Variants in MYO5A observed in about 807,000 individuals in gnomAD.
MYO5A encodes the protein unconventional myosin-Va.
A neutral mutation model predicts 249.7 loss-of-function variants in MYO5A; 98 were observed. That is an observed-to-expected ratio of 0.39 (90% CI 0.33 to 0.46). The LOEUF is 0.46. MYO5A is among the 20% of genes least tolerant of loss of function. The probability of loss-of-function intolerance (pLI) is 0.98; values close to 1 mark genes in which losing one functional copy is unlikely to be tolerated. For missense variants in MYO5A, 1,696 were observed against 2,308.8 expected, an observed-to-expected ratio of 0.73 and a Z score of 5.44; for synonymous variants, 778 against 810.6, an observed-to-expected ratio of 0.96 and a Z score of 0.68.
chr15:52,471,443 AAAAAAG>A (rs1169680143), intron 1 of MYO5A, among the ~76,000 whole-genome samples: 3 of 151,866 alleles, frequency 2.0e-5, no homozygotes, highest in African/African-American at 7.3e-5. Flanking sequence ...GTCTCATTTG[AAAAAAG>A]AAAAAGAAAA....
chr15:52,527,295 A>G (rs1234706809), intron 1 of MYO5A, among the ~76,000 whole-genome samples: 2 of 152,212 alleles, frequency 1.3e-5, no homozygotes, highest in African/African-American at 4.8e-5. Flanking sequence ...AAAACGCTTA[A>G]AACAGTACCT....
chr15:52,330,980 C>T (rs1010506648), intron 34 of MYO5A, among the ~76,000 whole-genome samples: 3 of 152,172 alleles, frequency 2.0e-5, no homozygotes, highest in Non-Finnish European at 4.4e-5. Context: ...AGCAAAAGAA[C>T]ATTTACTTTA....
chr15:52,393,016 G>A (rs1215670983), intron 11 of MYO5A, among the ~76,000 whole-genome samples: 1 of 152,142 alleles, frequency 6.6e-6, no homozygotes, highest in Non-Finnish European at 1.5e-5. Context: ...TAGTCCGGGT[G>A]GGAAGGGCAA....
intron 9 of MYO5A, among the ~76,000 whole-genome samples, chr15:52,403,799 C>T (rs1180049418): frequency 6.6e-6 from 1 of 152,106 alleles, no homozygotes; most frequent in African/African-American, 2.4e-5. Flanking sequence ...ACAAAACCAC[C>T]ATTAGGAAAA....
intron 1 of MYO5A, among the ~76,000 whole-genome samples, chr15:52,484,211 T>C (rs2076772655): frequency 6.6e-6 from 1 of 152,238 alleles, no homozygotes; most frequent in Non-Finnish European, 1.5e-5. Context: ...AAGTTGAACG[T>C]ATTACAGGTA....
At chr15:52,517,535 A>G (rs536346923) in intron 1 of MYO5A, among the ~76,000 whole-genome samples, 1 of 152,112 alleles carries the variant, frequency 6.6e-6, no homozygotes, top group Non-Finnish European at 1.5e-5. Context: ...AAGTACAAAA[A>G]ATTAGCTAGG....
chr15:52,394,837 C>T (rs1158855577), intron 11 of MYO5A, among the ~76,000 whole-genome samples: 1 of 152,180 alleles, frequency 6.6e-6, no homozygotes, highest in African/African-American at 2.4e-5. Flanking sequence ...CCTTGAGAAA[C>T]AATAATGCTC....
chr15:52,415,565 G>GAAC (rs142751131), intron 5 of MYO5A, among the ~76,000 whole-genome samples: 1 of 151,826 alleles, frequency 6.6e-6, no homozygotes. Context: ...GTGCTTGACA[G>GAAC]AACAACAACA....
rs2038063885 is a variant in MYO5A, at chr15:52,317,179, G to T, written c.5278C>A (p.Leu1760Met). 6.2e-7 allele frequency: 1 copy of T among 1,614,070 alleles called. No homozygotes were observed. ...GTTTCTTTAGCCCCACTATTCATCA[G>T]ATTCTTGTCACGCAGCCATTCTTCC... is the stretch of plus-strand genomic sequence containing the variant. Reference protein sequence around the residue: ...QLEEWLRDKNLMNSGAKETLE... With the variant: ...QLEEWLRDKNMMNSGAKETLE... Residue 1760 changes from leucine (L) to methionine (M), a missense_variant, in exon 40 of 42, where the codon CTG (leucine) becomes ATG (methionine). By Grantham distance (15) the Leu-to-Met change is conservative. Transcript: ENST00000399233.
At chr15:52,418,029 G>A (rs2043595671) in intron 4 of MYO5A, among the ~76,000 whole-genome samples, 1 of 152,122 alleles carries the variant, frequency 6.6e-6, no homozygotes, top group Admixed American at 6.6e-5. Flanking sequence ...AGCTGAACAA[G>A]GTCTACAAAA....
intron 1 of MYO5A, among the ~76,000 whole-genome samples, chr15:52,480,044 T>G (rs2076683737): frequency 6.6e-6 from 1 of 152,198 alleles, no homozygotes; most frequent in Non-Finnish European, 1.5e-5. Context: ...CAATGCTGTC[T>G]CCTCTCTCCC....
intron 1 of MYO5A, among the ~76,000 whole-genome samples, chr15:52,493,042 GA>G (rs1318528402): frequency 6.8e-6 from 1 of 147,636 alleles, no homozygotes; most frequent in Non-Finnish European, 1.5e-5. Flanking sequence ...AGGCCTGAGG[GA>G]AGAAAGGCCT....
chr15:52,517,799 A>G (rs975273738), intron 1 of MYO5A, among the ~76,000 whole-genome samples: 1 of 151,058 alleles, frequency 6.6e-6, no homozygotes, highest in African/African-American at 2.4e-5. Context: ...AATCATTTTA[A>G]AAATCATTAC....
intron 5 of MYO5A, among the ~76,000 whole-genome samples, chr15:52,415,496 G>T (rs1159885783): frequency 6.6e-6 from 1 of 151,986 alleles, no homozygotes; most frequent in East Asian, 1.9e-4. Flanking sequence ...TTTTTTCATA[G>T]TTCTTCCCCT....
chr15:52,522,365 T>C (rs550400561), intron 1 of MYO5A, among the ~76,000 whole-genome samples: 25 of 152,248 alleles, frequency 1.6e-4, no homozygotes, highest in Admixed American at 9.8e-4. Flanking sequence ...TGATGAAAGA[T>C]TGGGAGTGGG....
chr15:52,414,988 A>G (rs948422789), intron 5 of MYO5A, among the ~76,000 whole-genome samples: 1 of 152,072 alleles, frequency 6.6e-6, no homozygotes, highest in Non-Finnish European at 1.5e-5. Flanking sequence ...GAACTTCCCC[A>G]TCATATCTTG....
chr15:52,321,452 G>T lies in MYO5A; in HGVS notation c.4858C>A (p.Leu1620Met). 1 of 1,614,214 alleles carries T rather than the reference G, an allele frequency of 6.2e-7. No individual in the cohort carries two copies. Among genetic ancestry groups the T allele is most frequent in the Admixed American group, 1.7e-5 (1 of 60,024 alleles). Residue 1620 changes from leucine (L) to methionine (M), a missense_variant, in exon 38 of 42, where the codon CTG becomes ATG. Transcript: ENST00000399233. ...QNEHCLTNFD[L>M]AEYRQVLSDL... is the part of the protein sequence containing the mutation. ...CTCAGCACCTGCCGATACTCAGCCAGGTCAAAATTGGTGAGGCAGTGTTCA... is the reference window on the plus strand; with the variant it reads ...CTCAGCACCTGCCGATACTCAGCCATGTCAAAATTGGTGAGGCAGTGTTCA...
chr15:52,412,480 G>T (rs2043293532), intron 5 of MYO5A, among the ~76,000 whole-genome samples: 1 of 152,222 alleles, frequency 6.6e-6, no homozygotes, highest in Non-Finnish European at 1.5e-5. Flanking sequence ...TTATCAACTT[G>T]TCATTATTTA....
chr15:52,442,001 T>C (rs990084417), intron 1 of MYO5A, among the ~76,000 whole-genome samples: 10 of 152,222 alleles, frequency 6.6e-5, no homozygotes, highest in Admixed American at 4.6e-4. Flanking sequence ...AAACAGAGAA[T>C]ATGCATGATG....
Sources: gnomAD v4.1 joint callset for allele counts (sites outside exome capture counted in the v4.1 genomes callset) on GRCh38, gnomAD v4.1.1 for gene constraint, MANE v1.5 for transcripts, NCBI Gene and HGNC (gene_info 2026-07-23, HGNC 2026-07-21) for gene names.